The following LIN28B variants were observed in gnomAD, a reference collection of about 807,000 sequenced individuals.
LIN28B encodes the protein protein lin-28 homolog B.
A neutral mutation model predicts 21.9 loss-of-function variants in LIN28B; 5 were observed. The observed-to-expected ratio is 0.23, with a 90% confidence interval of 0.12 to 0.48. The LOEUF (loss-of-function observed/expected upper bound fraction) is 0.48. Among genes scored for constraint, LIN28B ranks in the 20% least tolerant of loss-of-function variants. The pLI is 0.98. For synonymous variants in LIN28B, 109 were observed against 111.3 expected (o/e 0.98, Z 0.13); for missense variants, 245 against 310.5 (o/e 0.79, Z 1.58).
chr6:104,956,136 A>G (rs541205102), upstream of LIN28B, among the ~76,000 whole-genome samples: 3 of 149,138 alleles, frequency 2.0e-5, no homozygotes, highest in East Asian at 5.9e-4. Flanking sequence ...TCTCCACCCC[A>G]CCCCCTGCCC....
intron 2 of LIN28B, among the ~76,000 whole-genome samples, chr6:104,977,359 C>T (rs989191370): frequency 3.9e-5 from 6 of 152,172 alleles, no homozygotes; most frequent in Non-Finnish European, 7.3e-5. Context: ...AAAGTCAGAA[C>T]CTTCTTTCTC....
intron 2 of LIN28B, among the ~76,000 whole-genome samples, chr6:104,979,398 G>A (rs1770173467): frequency 6.6e-6 from 1 of 151,804 alleles, no homozygotes; most frequent in Non-Finnish European, 1.5e-5. Flanking sequence ...AGTAGAGACG[G>A]GGTTTCACCA....
chr6:105,036,893 T>A (rs1010990207), intron 3 of LIN28B, among the ~76,000 whole-genome samples: 5 of 152,218 alleles, frequency 3.3e-5, no homozygotes, highest in Non-Finnish European at 7.3e-5. Flanking sequence ...GGTATTGTGA[T>A]AATTTGGTAG....
At chr6:105,067,239 CT>C (rs1445651518) in intron 3 of LIN28B, among the ~76,000 whole-genome samples, 1 of 152,128 alleles carries the variant, frequency 6.6e-6, no homozygotes, top group African/African-American at 2.4e-5. Context: ...GTAGTACTAA[CT>C]TTTTAAAACA....
chr6:105,034,416 G>C (rs1771484923), intron 3 of LIN28B, among the ~76,000 whole-genome samples: 2 of 151,850 alleles, frequency 1.3e-5, no homozygotes, highest in African/African-American at 4.8e-5. Context: ...ATGAGTTAAA[G>C]TGGTAATATA....
chr6:104,939,803 A>G (rs1335828099), intron 2 of LIN28B, among the ~76,000 whole-genome samples: 1 of 152,220 alleles, frequency 6.6e-6, no homozygotes, highest in Non-Finnish European at 1.5e-5. Context: ...AACAGTCCAG[A>G]TTACAAGGCG....
chr6:104,959,192 A>G (rs1299019454), intron 2 of LIN28B, among the ~76,000 whole-genome samples: 3 of 152,176 alleles, frequency 2.0e-5, no homozygotes, highest in African/African-American at 7.2e-5. Context: ...ACTTTTATGG[A>G]AGCCGGTTGT....
In LIN28B at chr6:104,939,020, T is replaced by C. The variant is rs188557543; in HGVS notation, c.18+1904T>C. Among the ~76,000 whole-genome samples, 299 of 152,284 alleles carry C rather than the reference T, an allele frequency of 2.0e-3. 2 individuals carry two copies. The Middle Eastern group carries it at 0.055, about 28-fold the overall frequency. On this transcript the variant is annotated intron_variant, in intron 2 of 5. Coordinates refer to the LIN28B transcript ENST00000635857. The stretch of plus-strand genomic sequence containing the variant: ...ATAAATATACATCACACTTAAATGC[T>C]GAAAGGCTTACAAAATACCTAGAAA...
chr6:105,047,249 TC>T (rs1435773422), intron 3 of LIN28B, among the ~76,000 whole-genome samples: 1 of 152,224 alleles, frequency 6.6e-6, no homozygotes, highest in Non-Finnish European at 1.5e-5. Flanking sequence ...TAGCCAGTTT[TC>T]CCAGCACCAT....
At chr6:104,966,823 G>A (rs1769870034) in intron 2 of LIN28B, among the ~76,000 whole-genome samples, 1 of 152,022 alleles carries the variant, frequency 6.6e-6, no homozygotes, top group Non-Finnish European at 1.5e-5. Flanking sequence ...GGGTTTCACC[G>A]AGTTAGCCAG....
chr6:105,048,260 G>C (rs972688705), intron 3 of LIN28B, among the ~76,000 whole-genome samples: 1 of 152,212 alleles, frequency 6.6e-6, no homozygotes, highest in Admixed American at 6.5e-5. Context: ...GGCCTTTTCT[G>C]CATCTATTGA....
intron 3 of LIN28B, among the ~76,000 whole-genome samples, chr6:104,951,015 T>A (rs1335653061): frequency 1.3e-5 from 2 of 152,224 alleles, no homozygotes; most frequent in African/African-American, 4.8e-5. Context: ...AAGCTCTGTG[T>A]TGCTTTTCAT....
intron 3 of LIN28B, among the ~76,000 whole-genome samples, chr6:105,031,389 A>G (rs538904983): frequency 2.0e-5 from 3 of 152,046 alleles, no homozygotes; most frequent in Non-Finnish European, 4.4e-5. Context: ...ATGATATTAA[A>G]TAATTGATTT....
intron 3 of LIN28B, among the ~76,000 whole-genome samples, chr6:105,076,800 T>C (rs1185464961): frequency 6.6e-6 from 1 of 151,822 alleles, no homozygotes; most frequent in East Asian, 2.0e-4. Context: ...GAGGCAGAGT[T>C]TCACCATGTT....
At chr6:105,057,440 G>C (rs1451541897) in intron 3 of LIN28B, among the ~76,000 whole-genome samples, 1 of 152,192 alleles carries the variant, frequency 6.6e-6, no homozygotes, top group Non-Finnish European at 1.5e-5. Flanking sequence ...CTCATTTGAA[G>C]AGTGTTGTAT....
intron 2 of LIN28B, among the ~76,000 whole-genome samples, chr6:105,007,389 C>T (rs921982104): frequency 6.6e-6 from 1 of 152,090 alleles, no homozygotes; most frequent in Non-Finnish European, 1.5e-5. Context: ...TTCTGTGTTG[C>T]ATCACTGGCA....
intron 2 of LIN28B, among the ~76,000 whole-genome samples, chr6:105,005,970 C>T (rs747824965): frequency 2.0e-4 from 30 of 152,146 alleles, no homozygotes; most frequent in Admixed American, 3.9e-4. Context: ...GCATTATAAT[C>T]TTTCATCCAG....
chr6:104,987,543 A>G (rs771449294), intron 2 of LIN28B, among the ~76,000 whole-genome samples: 7 of 152,084 alleles, frequency 4.6e-5, no homozygotes, highest in Non-Finnish European at 8.8e-5. Flanking sequence ...CCAGGCTGGC[A>G]TTGAACTCCT....
chr6:105,038,968 A>G (rs1300406142), intron 3 of LIN28B, among the ~76,000 whole-genome samples: 1 of 152,196 alleles, frequency 6.6e-6, no homozygotes, highest in Non-Finnish European at 1.5e-5. Flanking sequence ...ACCACTTCAT[A>G]GAGCAATTTG....
Sources: allele counts gnomAD v4.1 joint callset (sites outside exome capture counted in the v4.1 genomes callset), GRCh38; gene constraint gnomAD v4.1.1; transcripts MANE v1.5; gene names NCBI Gene and HGNC (gene_info 2026-07-23, HGNC 2026-07-21).